Variants in ADK observed in about 807,000 individuals in gnomAD.
ADK encodes the protein N6,N6-dimethyladenosine kinase.
In ADK, 24 loss-of-function variants were observed where a neutral mutation model predicts 44.7. The ratio of observed to expected loss-of-function variants is 0.54; its 90% CI spans 0.39 to 0.76. ADK has a LOEUF of 0.76. ADK is among the 30% of genes least tolerant of loss of function. ADK has a pLI of 0.00. For missense variants in ADK, 321 were observed against 425.1 expected (o/e 0.76, Z 2.15); for synonymous variants, 128 against 142.6 (o/e 0.90, Z 0.73).
chr10:74,511,628 A>G (rs1431334751), intron 6 of ADK, among the ~76,000 whole-genome samples: 1 of 152,150 alleles, frequency 6.6e-6, no homozygotes, highest in African/African-American at 2.4e-5. Flanking sequence ...CAGAAACACT[A>G]CTGATTTTTG....
chr10:74,639,273 C>G (rs16931546), intron 9 of ADK, among the ~76,000 whole-genome samples: 2,843 of 152,182 alleles, frequency 0.019, 83 homozygotes, highest in African/African-American at 0.063. Flanking sequence ...CTTAATATTG[C>G]TAGAGTGTAA....
At chr10:74,516,297 A>G (rs913797995) in intron 6 of ADK, among the ~76,000 whole-genome samples, 1 of 152,030 alleles carries the variant, frequency 6.6e-6, no homozygotes, top group Non-Finnish European at 1.5e-5. Flanking sequence ...GGAAGATGGG[A>G]CCACGAGTTT....
chr10:74,176,881 A>G lies in ADK; in HGVS notation c.66-23883A>G, dbSNP rs372549172. 4 of 1,610,110 alleles carry G rather than the reference A, an allele frequency of 2.5e-6. No homozygotes were observed. In the South Asian group the frequency reaches 3.3e-5, roughly 13 times the overall value. On this transcript the variant is annotated intron_variant, in intron 1 of 10. Coordinates refer to ENST00000539909, the MANE Select transcript of ADK (RefSeq NM_006721.4). ...GGCAGGAGGGCGAAGCCATGACGTC[A>G]GTCAGGTAACGAGCGGGCGGCTGCC...
chr10:74,528,864 T>G (rs896555593), intron 7 of ADK, among the ~76,000 whole-genome samples: 1 of 152,130 alleles, frequency 6.6e-6, no homozygotes, highest in Non-Finnish European at 1.5e-5. Context: ...AAAATGGAAA[T>G]TAACAAGTAT....
intron 6 of ADK, among the ~76,000 whole-genome samples, chr10:74,430,445 A>T (rs1258194113): frequency 6.6e-6 from 1 of 152,116 alleles, no homozygotes; most frequent in African/African-American, 2.4e-5. Context: ...ATATTTGCAC[A>T]TAAGTTTTTG....
At chr10:74,694,293 G>A (rs1458390422) in intron 10 of ADK, among the ~76,000 whole-genome samples, 1 of 151,250 alleles carries the variant, frequency 6.6e-6, no homozygotes, top group Non-Finnish European at 1.5e-5. Flanking sequence ...GCTCATGCCT[G>A]TAATCTGAAA....
intron 9 of ADK, among the ~76,000 whole-genome samples, chr10:74,627,524 T>C (rs765455118): frequency 6.6e-6 from 1 of 152,056 alleles, no homozygotes; most frequent in Non-Finnish European, 1.5e-5. Flanking sequence ...TTATCGATTT[T>C]TAATTTAACA....
At chr10:74,649,848 C>A (rs1021153110) in intron 9 of ADK, among the ~76,000 whole-genome samples, 2 of 152,090 alleles carry the variant, frequency 1.3e-5, no homozygotes, top group South Asian at 4.1e-4. Context: ...CATTTAAGCT[C>A]AAAAAATATG....
chr10:74,438,515 C>A (rs926233927), intron 6 of ADK, among the ~76,000 whole-genome samples: 22 of 152,052 alleles, frequency 1.4e-4, no homozygotes, highest in Admixed American at 3.9e-4. Flanking sequence ...CAGGCATGAG[C>A]CACTGCCCCC....
chr10:74,246,080 C>T (rs1591925465), intron 3 of ADK, among the ~76,000 whole-genome samples: 1 of 151,722 alleles, frequency 6.6e-6, no homozygotes, highest in South Asian at 2.1e-4. Context: ...TTGTCTGGTC[C>T]AGGAGTTCTC....
intron 1 of ADK, among the ~76,000 whole-genome samples, chr10:74,156,857 A>G (rs1015283284): frequency 2.8e-4 from 42 of 152,344 alleles, no homozygotes; most frequent in Middle Eastern, 3.4e-3. Flanking sequence ...AGCAATTAAA[A>G]ATTTAAAAAG....
intron 7 of ADK, among the ~76,000 whole-genome samples, chr10:74,542,398 C>T (rs1436159110): frequency 6.6e-6 from 1 of 152,180 alleles, no homozygotes. Context: ...CTGTGAAAAA[C>T]AAATTTACTA....
intron 8 of ADK, among the ~76,000 whole-genome samples, chr10:74,592,153 A>AT (rs1851747257): frequency 6.6e-6 from 1 of 152,108 alleles, no homozygotes; most frequent in Non-Finnish European, 1.5e-5. Flanking sequence ...ATAAGAGAGG[A>AT]TTTTTTTATA....
intron 4 of ADK, among the ~76,000 whole-genome samples, chr10:74,321,492 C>T (rs1840807248): frequency 1.3e-5 from 2 of 152,062 alleles, no homozygotes; most frequent in South Asian, 2.1e-4. Flanking sequence ...CCATATTAAC[C>T]GGGCTGGTCT....
At chr10:74,335,789 A>G (rs552363169) in intron 4 of ADK, among the ~76,000 whole-genome samples, 134 of 152,260 alleles carry the variant, frequency 8.8e-4, no homozygotes, top group African/African-American at 3.1e-3. Context: ...TGTGAAGCAC[A>G]TTTTTATATG....
At chr10:74,670,080 CTT>C in intron 9 of ADK, 101 bp from the exon 10 acceptor site, 3 of 918,320 alleles carry the variant, frequency 3.3e-6, no homozygotes, top group Non-Finnish European at 5.3e-6. Flanking sequence ...TCCTGTCTCT[CTT>C]TGAATGATGA....
chr10:74,269,648 G>A (rs1846351289), intron 3 of ADK, among the ~76,000 whole-genome samples: 2 of 152,120 alleles, frequency 1.3e-5, no homozygotes, highest in Admixed American at 6.6e-5. Context: ...TGATAAGAAT[G>A]TGCCAGGTAT....
At chr10:74,536,422 T>C (rs922147994) in intron 7 of ADK, among the ~76,000 whole-genome samples, 26 of 152,176 alleles carry the variant, frequency 1.7e-4, no homozygotes, top group African/African-American at 6.3e-4. Context: ...TATGTTCTTG[T>C]GATATAACCA....
At chr10:74,698,748 G>A (rs916596385) in intron 10 of ADK, among the ~76,000 whole-genome samples, 7 of 152,104 alleles carry the variant, frequency 4.6e-5, no homozygotes, top group Middle Eastern at 3.4e-3. Context: ...TTGTAGGGAC[G>A]GAATTTTGCC....
Sources: gnomAD v4.1 joint callset for allele counts (sites outside exome capture counted in the v4.1 genomes callset) on GRCh38, gnomAD v4.1.1 for gene constraint, MANE v1.5 for transcripts, NCBI Gene and HGNC (gene_info 2026-07-23, HGNC 2026-07-21) for gene names.